Variants in SERINC5 observed in about 807,000 individuals in gnomAD.
The protein encoded by SERINC5 is serine incorporator 5.
SERINC5 carries 41 observed loss-of-function variants against 63.1 expected under a neutral mutation model. The ratio of observed to expected loss-of-function variants is 0.65; its 90% CI spans 0.51 to 0.84. The LOEUF (loss-of-function observed/expected upper bound fraction) is 0.84. Ranked by LOEUF, SERINC5 falls within the 40% of genes least tolerant of loss-of-function variation. The pLI is 0.00. For missense variants in SERINC5, 523 were observed against 573.0 expected (o/e 0.91, Z 0.89); for synonymous variants, 222 against 215.2 (o/e 1.03, Z -0.28).
Position 80,142,836 on chromosome 5 carries a change from A to G in SERINC5, c.*827T>C. 1.0e-6 allele frequency: 1 copy of G among 985,434 alleles called. No homozygotes were observed. Among genetic ancestry groups the G allele is most frequent in the Non-Finnish European group, 1.2e-6 (1 of 829,906 alleles). 61.0% of individuals were successfully genotyped at this position (985,434 alleles called of 1,614,324 possible). On this transcript the variant is annotated 3_prime_UTR_variant, in exon 12 of 12. Transcript: ENST00000507668. Reference sequence around the variant, plus strand: ...AAACAAGTAAGAATGATAGCCCTCCATTGCTTAGGCAGAGAAAACATGAAT... The same window carrying G: ...AAACAAGTAAGAATGATAGCCCTCCGTTGCTTAGGCAGAGAAAACATGAAT...
At chr5:80,181,215 T>G (rs1333423014) in intron 2 of SERINC5, among the ~76,000 whole-genome samples, 1 of 152,146 alleles carries the variant, frequency 6.6e-6, no homozygotes, top group African/African-American at 2.4e-5. Flanking sequence ...GAGGGTTTAT[T>G]TTCCTTTACA....
intron 1 of SERINC5, among the ~76,000 whole-genome samples, chr5:80,226,795 T>C (rs1182094126): frequency 2.6e-5 from 4 of 152,234 alleles, no homozygotes; most frequent in Non-Finnish European, 4.4e-5. Context: ...CCTCAGTTCT[T>C]AGCATGGATT....
At position 80,219,739 on chromosome 5, in the gene SERINC5, C is replaced by T. The variant is rs572188004; in HGVS notation, c.28-16686G>A. On this transcript the variant is annotated intron_variant, in intron 1 of 11. Transcript: ENST00000507668. ...AGCTTGAGAAACTCCTGTTTATGTT[C>T]TTAAAATACATTTGCAAAAGGAACC... Among the ~76,000 whole-genome samples the T allele has an allele frequency of 2.0e-4, 31 of 152,268 alleles. 1 individual carries two copies. The South Asian group carries it at 6.0e-3, about 29-fold the overall frequency.
chr5:80,230,549 CAAAT>C (rs34138344), intron 1 of SERINC5, among the ~76,000 whole-genome samples: 24,480 of 150,818 alleles, frequency 0.16, 2,210 homozygotes, highest in Admixed American at 0.2. Context: ...CCATGTAAAA[CAAAT>C]AATAATGCAA....
Position 80,175,060 on chromosome 5 carries a change from A to G in SERINC5, c.458-13T>C. 1 of 1,560,474 alleles carries G rather than the reference A, an allele frequency of 6.4e-7. No homozygotes were observed. Among genetic ancestry groups the G allele is most frequent in the Non-Finnish European group, 8.7e-7 (1 of 1,149,958 alleles). ...ACATAGCGCCAGGCTGCAAAAGACC[A>G]TGAAGAACACAATGAGGCAACCTTT... On this transcript the variant is annotated splice_polypyrimidine_tract_variant and intron_variant, in intron 4 of 11. Coordinates refer to ENST00000507668, the MANE Select transcript of SERINC5 (RefSeq NM_001174072.3).
At chr5:80,135,035 A>T (rs536349341), downstream of SERINC5, among the ~76,000 whole-genome samples, 27 of 152,352 alleles carry the variant, frequency 1.8e-4, 1 homozygote, top group South Asian at 5.4e-3. Flanking sequence ...TACTGGCAGG[A>T]AATAGGCTGA....
chr5:80,228,777 A>G (rs1270148407), intron 1 of SERINC5, among the ~76,000 whole-genome samples: 1 of 152,138 alleles, frequency 6.6e-6, no homozygotes, highest in Non-Finnish European at 1.5e-5. Flanking sequence ...ATCATTCTGC[A>G]CAAAATGTCC....
Position 80,186,126 on chromosome 5 carries a change from GAAAAAAAAAA to G in SERINC5, c.196-8072_196-8063del, listed in dbSNP as rs10554934. 4.0e-3 allele frequency among the ~76,000 whole-genome samples: 245 copies of G among 61,438 alleles called. 1 individual carries two copies. Among genetic ancestry groups the G allele is most frequent in the East Asian group, 8.6e-3 (14 of 1,630 alleles). The allele number at this position is 61,438 out of a possible 152,430, so 40.3% of individuals were successfully genotyped here. A position where few individuals can be genotyped will look rare whatever the true frequency, so the allele number is the denominator to read the frequency against. On this transcript the variant is annotated intron_variant, in intron 2 of 11. Coordinates refer to ENST00000507668, the MANE Select transcript of SERINC5 (RefSeq NM_001174072.3). ...ATTGAAAGATTAACTTTCTTGTTTT[GAAAAAAAAAA>G]AAAAAAAAAAAAAAAAAAAGACAGA... is the stretch of plus-strand genomic sequence containing the variant.
chr5:80,200,973 C>T (rs1336517821), intron 2 of SERINC5, among the ~76,000 whole-genome samples: 1 of 151,998 alleles, frequency 6.6e-6, no homozygotes, highest in East Asian at 1.9e-4. Context: ...GTGGCACGCG[C>T]CTGTAATCCC....
intron 6 of SERINC5, among the ~76,000 whole-genome samples, chr5:80,168,917 C>G (rs1197001885): frequency 3.3e-5 from 5 of 152,216 alleles, no homozygotes; most frequent in Non-Finnish European, 7.3e-5. Flanking sequence ...CCAGACCACA[C>G]TGTCCACAGC....
intron 11 of SERINC5, among the ~76,000 whole-genome samples, chr5:80,114,274 C>A (rs2112218354): frequency 6.6e-6 from 1 of 152,108 alleles, no homozygotes. Context: ...AACTTACAAT[C>A]ATGGCAGAAG....
intron 1 of SERINC5, among the ~76,000 whole-genome samples, chr5:80,254,137 T>C (rs1752542184): frequency 6.6e-6 from 1 of 152,172 alleles, no homozygotes. Context: ...TTGGTCAGGC[T>C]GGTCTCCAAC....
chr5:80,205,975 C>CA (rs368524252), intron 1 of SERINC5, among the ~76,000 whole-genome samples: 2,189 of 74,270 alleles, frequency 0.029, 86 homozygotes, highest in African/African-American at 0.075. Context: ...TGGTGGTGCA[C>CA]AAAAAAAAAA....
intron 2 of SERINC5, among the ~76,000 whole-genome samples, chr5:80,187,980 A>G (rs942815348): frequency 6.6e-6 from 1 of 152,174 alleles, no homozygotes; most frequent in Non-Finnish European, 1.5e-5. Context: ...CATTGAGAGA[A>G]TTAGGTAAAA....
At chr5:80,249,951 G>A (rs1232488317) in intron 1 of SERINC5, among the ~76,000 whole-genome samples, 1 of 152,082 alleles carries the variant, frequency 6.6e-6, no homozygotes, top group Non-Finnish European at 1.5e-5. Flanking sequence ...TATCATCATG[G>A]AAATAATGAA....
chr5:80,173,903 G>A (rs146692112), intron 5 of SERINC5, among the ~76,000 whole-genome samples: 3 of 151,870 alleles, frequency 2.0e-5, no homozygotes, highest in African/African-American at 7.2e-5. Context: ...CTTTACACTC[G>A]ACACCTAAAG....
intron 1 of SERINC5, among the ~76,000 whole-genome samples, chr5:80,227,718 G>A (rs144032426): frequency 5.3e-5 from 8 of 152,048 alleles, no homozygotes; most frequent in South Asian, 2.1e-4. Context: ...GGGTGGGGGC[G>A]AACACCTGCG....
chr5:80,148,899 G>A (rs1359593155), intron 9 of SERINC5, among the ~76,000 whole-genome samples: 1 of 152,132 alleles, frequency 6.6e-6, no homozygotes, highest in Non-Finnish European at 1.5e-5. Context: ...TTTAACGGAG[G>A]TATTAGCCTT....
At chr5:80,245,193 T>TC (rs1398337423) in intron 1 of SERINC5, among the ~76,000 whole-genome samples, 3 of 152,234 alleles carry the variant, frequency 2.0e-5, no homozygotes, top group Non-Finnish European at 4.4e-5. Flanking sequence ...CAGCTGTTTT[T>TC]TCCTGAGGTG....
Sources: allele counts gnomAD v4.1 joint callset (sites outside exome capture counted in the v4.1 genomes callset), GRCh38; gene constraint gnomAD v4.1.1; transcripts MANE v1.5; gene names NCBI Gene and HGNC (gene_info 2026-07-23, HGNC 2026-07-21).